Variants in LILRA2 observed in about 807,000 individuals in gnomAD.
The protein encoded by LILRA2 is leukocyte immunoglobulin like receptor A2, also known as leukocyte immunoglobulin-like receptor subfamily A member 2.
In LILRA2, 45 loss-of-function variants were observed where a neutral mutation model predicts 47.9. The ratio of observed to expected loss-of-function variants is 0.94; its 90% CI spans 0.74 to 1.20. The LOEUF (loss-of-function observed/expected upper bound fraction) is 1.20. Among genes scored for constraint, LILRA2 ranks in the 50% most tolerant of loss-of-function variants. The pLI, the probability that LILRA2 is intolerant of heterozygous loss-of-function variation, is 0.00. For synonymous variants in LILRA2, 279 were observed against 249.2 expected (o/e 1.12, Z -1.13); for missense variants, 651 against 598.2 (o/e 1.09, Z -0.92).
At position 54,588,034 on chromosome 19, in the gene LILRA2, A is replaced by G. The variant is rs530876347; in HGVS notation, c.*688A>G. The G allele has an allele frequency of 6.6e-6, 1 of 152,614 alleles. No homozygotes were observed. The highest frequency in any genetic ancestry group is 2.4e-5 in the African/African-American group (1 of 41,576). 9.5% of individuals were successfully genotyped at this position (152,614 alleles called of 1,614,324 possible). ...TTTCTGTGACATAAATATTTTTCTC[A>G]TGGCCCAAATCAAGGTGCCAATGGG... On this transcript the variant is annotated 3_prime_UTR_variant, in exon 8 of 8. Coordinates refer to ENST00000391738, the MANE Select transcript of LILRA2 (RefSeq NM_001130917.3).
At chr19:54,586,964 G>A (rs2062828707) in intron 6 of LILRA2, 46 bp from the exon 7 acceptor site, 1 of 1,416,660 alleles carries the variant, frequency 7.1e-7, no homozygotes, top group Non-Finnish European at 9.9e-7. Context: ...CAGAGCCCAG[G>A]AGTGAGGCTG....
In LILRA2 at chr19:54,587,278, G is replaced by T; in HGVS notation, c.1384G>T (p.Val462Phe). The T allele has an allele frequency of 1.9e-6, 3 of 1,614,128 alleles. No homozygotes were observed. The highest frequency in any genetic ancestry group is 2.5e-6 in the Non-Finnish European group (3 of 1,180,022). Residue 462 changes from valine to phenylalanine, a missense_variant, in exon 8 of 8, where the codon GTC (valine) becomes TTC (phenylalanine). Transcript: ENST00000391738. ...RMGVAGLVLV[V>F]LGILLFEAQH... ...GGGTGTGGCTGGCTTGGTCCTGGTG[G>T]TCCTCGGGATTCTGCTATTTGAGGC...
rs2062383662 is a variant in LILRA2, at chr19:54,575,557, G to C, written c.952+5G>C. On this transcript the variant is annotated splice_donor_5th_base_variant and intron_variant, in intron 5 of 7. Transcript: ENST00000391738. ...CCCTGGACATCCTGATCACAGGTGA[G>C]GAGCCCAGCGGGTTCAGTCAGGGAC... 3 of 1,611,708 alleles carry C rather than the reference G, an allele frequency of 1.9e-6. No homozygotes were observed. The highest frequency in any genetic ancestry group is 4.5e-5 in the East Asian group (2 of 44,852).
intron 5 of LILRA2, 55 bp downstream of exon 5, chr19:54,575,607 G>A (rs2062386564): frequency 1.3e-6 from 2 of 1,595,248 alleles, no homozygotes; most frequent in African/African-American, 1.3e-5. Flanking sequence ...GGCCCTGCCA[G>A]GGGAGCCCAG....
rs2062411420 is a variant in LILRA2 at position 54,576,002 on chromosome 19, G to A, written c.1148G>A (p.Gly383Asp). The A allele has an allele frequency of 6.2e-7, 1 of 1,613,864 alleles. No individual in the cohort carries two copies. Among genetic ancestry groups the A allele is most frequent in the African/African-American group, 1.3e-5 (1 of 74,942 alleles). ...AQQNQAEFRM[G>D]PVTSAHVGTY... Reference sequence around the variant, plus strand: ...CAGAACCAGGCTGAATTCCGCATGGGTCCTGTGACCTCAGCCCACGTGGGG... The same window carrying A: ...CAGAACCAGGCTGAATTCCGCATGGATCCTGTGACCTCAGCCCACGTGGGG... Residue 383 changes from glycine (G) to aspartate (D), a missense_variant, in exon 6 of 8, where the codon GGT becomes GAT. Physicochemically the swap from Gly to Asp is moderately conservative, Grantham distance 94 (BLOSUM62 -1). Transcript: ENST00000391738.
intron 6 of LILRA2, 34 bp from the exon 7 acceptor site, chr19:54,586,976 G>A (rs767223117): frequency 1.9e-6 from 3 of 1,567,578 alleles, no homozygotes; most frequent in East Asian, 2.3e-5. Context: ...GTGAGGCTGG[G>A]CTCAGGGCTC....
At position 54,589,071 on chromosome 19, in the gene LILRA2, C is replaced by T. The variant is rs1293459548; in HGVS notation, c.*1725C>T. 6.6e-6 allele frequency: 1 copy of T among 152,212 alleles called. No homozygotes were observed. Among genetic ancestry groups the T allele is most frequent in the Non-Finnish European group, 1.5e-5 (1 of 68,052 alleles). 9.4% of individuals were successfully genotyped at this position (152,212 alleles called of 1,614,324 possible). On this transcript the variant is annotated 3_prime_UTR_variant, in exon 8 of 8. Transcript: ENST00000391738. ...TCTGCCTCCATCTTCTCAATGCTTA[C>T]ACCTACCTGGTTGCCTCTGTCTTCA...
intron 6 of LILRA2, among the ~76,000 whole-genome samples, chr19:54,576,848 T>C (rs1387869405): frequency 7.2e-5 from 11 of 152,268 alleles, no homozygotes; most frequent in Admixed American, 7.2e-4. Context: ...CAGCCTCTCC[T>C]TGGGAGGTGG....
In LILRA2 at chr19:54,577,357, T is replaced by C; in HGVS notation, c.1255+1248T>C. 3 of 917,156 alleles carry C rather than the reference T, an allele frequency of 3.3e-6. No homozygotes were observed. The South Asian group carries it at 5.0e-5, about 15-fold the overall frequency. 56.8% of individuals were successfully genotyped at this position (917,156 alleles called of 1,614,324 possible). ...GGAGGATTTGGGGTCCAGGCCTGACTTGGACACTGGGAAGATGCTGGGGCT... is the reference window on the plus strand; with the variant it reads ...GGAGGATTTGGGGTCCAGGCCTGACCTGGACACTGGGAAGATGCTGGGGCT... On this transcript the variant is annotated intron_variant, in intron 6 of 7. Coordinates refer to ENST00000391738, the MANE Select transcript of LILRA2 (RefSeq NM_001130917.3).
Position 54,587,522 on chromosome 19 carries a change from G to C in LILRA2, c.*176G>C. The stretch of plus-strand genomic sequence containing the variant: ...AGGAAACTGTCTGGGGTGATTCCTA[G>C]AAGATCATTAAACTGTGGTACATTT... On this transcript the variant is annotated 3_prime_UTR_variant, in exon 8 of 8. Coordinates refer to ENST00000391738, the MANE Select transcript of LILRA2 (RefSeq NM_001130917.3). 9.2e-7 allele frequency: 1 copy of C among 1,084,018 alleles called. No individual in the cohort carries two copies. The highest frequency in any genetic ancestry group is 1.3e-6 in the Non-Finnish European group (1 of 776,814). 67.1% of individuals were successfully genotyped at this position (1,084,018 alleles called of 1,614,324 possible). A position where few individuals can be genotyped will look rare whatever the true frequency, so the allele number is the denominator to read the frequency against.
At chr19:54,576,320 G>C (rs1400995204) in intron 6 of LILRA2, among the ~76,000 whole-genome samples, 2 of 123,648 alleles carry the variant, frequency 1.6e-5, no homozygotes, top group African/African-American at 6.8e-5. Context: ...GGGCTGGGAG[G>C]AGACGGGGGC....
chr19:54,579,035 T>G (rs1460249564), intron 6 of LILRA2, among the ~76,000 whole-genome samples: 3 of 152,146 alleles, frequency 2.0e-5, no homozygotes, highest in Non-Finnish European at 2.9e-5. Flanking sequence ...ATGGGTAGAT[T>G]GCAAAAATTT....
At chr19:54,574,041 A>G in intron 1 of LILRA2, 35 bp from the exon 2 acceptor site, 3 of 1,613,836 alleles carry the variant, frequency 1.9e-6, no homozygotes, top group Non-Finnish European at 1.7e-6. Flanking sequence ...CCCAGGCTTC[A>G]GGGGAAAAAT....
upstream of LILRA2, chr19:54,573,561 C>A: frequency 1.3e-6 from 1 of 761,678 alleles, no homozygotes; most frequent in Non-Finnish European, 2.2e-6. Context: ...CGCAGGAGGG[C>A]ACCAGTTCTA....
rs2062399095 is a variant in LILRA2, at chr19:54,575,810, A to G, written c.956A>G (p.Gln319Arg). ...CACCCATCCTTCTTCTCTCTAGGAC[A>G]GTTCTATGACAGACCCTCTCTCTCG... ...SDPLDILITGQFYDRPSLSVQ... is the reference protein window; with the variant it reads ...SDPLDILITGRFYDRPSLSVQ... Residue 319 changes from glutamine (Q) to arginine (R), a missense_variant, in exon 6 of 8, where the codon CAG becomes CGG. Gln to Arg is a conservative substitution (Grantham distance 43, BLOSUM62 1). Transcript: ENST00000391738. 6.2e-7 allele frequency: 1 copy of G among 1,613,328 alleles called. No individual in the cohort carries two copies. The highest frequency in any genetic ancestry group is 8.5e-7 in the Non-Finnish European group (1 of 1,179,734).
intron 6 of LILRA2, among the ~76,000 whole-genome samples, chr19:54,578,604 G>A (rs896820114): frequency 4.6e-5 from 7 of 152,190 alleles, no homozygotes; most frequent in South Asian, 2.1e-4. Flanking sequence ...TGTCTTTGTC[G>A]TAGAATGGTT....
Position 54,576,030 on chromosome 19 carries a change from C to A in LILRA2, c.1176C>A (p.Thr392=), listed in dbSNP as rs148971493. 1.2e-6 allele frequency: 2 copies of A among 1,613,892 alleles called. No homozygotes were observed. The highest frequency in any genetic ancestry group is 2.7e-5 in the African/African-American group (2 of 74,858). Residue 392 remains threonine (T), a synonymous_variant, in exon 6 of 8, where the codon ACC becomes ACA. Coordinates refer to ENST00000391738, the MANE Select transcript of LILRA2 (RefSeq NM_001130917.3). The stretch of plus-strand genomic sequence containing the variant: ...CTGTGACCTCAGCCCACGTGGGGAC[C>A]TACAGATGCTACAGCTCACTCAGCT... The part of the protein sequence containing the change: ...MGPVTSAHVG[T]YRCYSSLSSN...
At chr19:54,586,968 G>A (rs1384660177) in intron 6 of LILRA2, 42 bp from the exon 7 acceptor site, 1 of 1,478,264 alleles carries the variant, frequency 6.8e-7, no homozygotes, top group South Asian at 1.2e-5. Context: ...GCCCAGGAGT[G>A]AGGCTGGGCT....
At chr19:54,580,397 T>C (rs1783152450) in intron 6 of LILRA2, among the ~76,000 whole-genome samples, 1 of 80,138 alleles carries the variant, frequency 1.2e-5, no homozygotes. Context: ...TTCCCCTTCC[T>C]GTGTCCATGT....
Sources: gnomAD v4.1 joint callset for allele counts (sites outside exome capture counted in the v4.1 genomes callset) on GRCh38, gnomAD v4.1.1 for gene constraint, MANE v1.5 for transcripts, NCBI Gene and HGNC (gene_info 2026-07-23, HGNC 2026-07-21) for gene names.